The following SGCZ variants were observed in gnomAD, a reference collection of about 807,000 sequenced individuals.
SGCZ encodes the protein zeta-sarcoglycan.
SGCZ carries 40 observed loss-of-function variants against 41.3 expected under a neutral mutation model. The observed-to-expected ratio is 0.97, with a 90% confidence interval of 0.75 to 1.26. The LOEUF is 1.26. Ranked by LOEUF, SGCZ falls within the 50% of genes most tolerant of loss-of-function variation. The pLI is 0.00. For missense variants in SGCZ, 552 were observed against 369.8 expected (o/e 1.49, Z -4.04); for synonymous variants, 206 against 137.5 (o/e 1.50, Z -3.49).
intron 1 of SGCZ, among the ~76,000 whole-genome samples, chr8:15,028,520 G>A (rs1803539077): frequency 6.6e-6 from 1 of 151,832 alleles, no homozygotes; most frequent in South Asian, 2.1e-4. Context: ...TTTCTAAGTT[G>A]AAGTCAGTTT....
intron 2 of SGCZ, among the ~76,000 whole-genome samples, chr8:14,488,764 C>A (rs150514931): frequency 1.7e-3 from 226 of 134,844 alleles, no homozygotes; most frequent in African/African-American, 5.8e-3. Context: ...TTTGTTTCAG[C>A]AGAGTTGAAT....
At chr8:14,470,758 A>G (rs1801191695) in intron 2 of SGCZ, among the ~76,000 whole-genome samples, 1 of 152,160 alleles carries the variant, frequency 6.6e-6, no homozygotes, top group African/African-American at 2.4e-5. Flanking sequence ...GTATGAAATC[A>G]CTCTCTTGGA....
intron 7 of SGCZ, among the ~76,000 whole-genome samples, chr8:14,093,229 T>G (rs988780395): frequency 6.6e-6 from 1 of 152,064 alleles, no homozygotes; most frequent in Non-Finnish European, 1.5e-5. Flanking sequence ...TGTTTTGTAC[T>G]AGGACTCCTG....
chr8:14,771,181 G>T (rs1400658351), intron 1 of SGCZ, among the ~76,000 whole-genome samples: 3 of 152,124 alleles, frequency 2.0e-5, no homozygotes, highest in South Asian at 2.1e-4. Context: ...AAGGCAAAGG[G>T]TCAGTGCAAT....
At chr8:14,943,122 T>C (rs1800331364) in intron 1 of SGCZ, among the ~76,000 whole-genome samples, 1 of 152,148 alleles carries the variant, frequency 6.6e-6, no homozygotes. Flanking sequence ...TTCACAACAT[T>C]ACATTCAAAA....
chr8:14,455,779 T>C (rs1281438572), intron 2 of SGCZ, among the ~76,000 whole-genome samples: 1 of 152,192 alleles, frequency 6.6e-6, no homozygotes, highest in Non-Finnish European at 1.5e-5. Flanking sequence ...TAAACAAGAA[T>C]GAGGACAGGC....
chr8:14,883,907 C>A (rs920459369), intron 1 of SGCZ, among the ~76,000 whole-genome samples: 2 of 149,472 alleles, frequency 1.3e-5, no homozygotes, highest in Non-Finnish European at 3.0e-5. Flanking sequence ...TTTCTGTTTA[C>A]TGAAGTAAGA....
chr8:14,584,484 T>C (rs1456167854), intron 1 of SGCZ, among the ~76,000 whole-genome samples: 1 of 152,138 alleles, frequency 6.6e-6, no homozygotes, highest in African/African-American at 2.4e-5. Flanking sequence ...AGTGACTACA[T>C]ATATGCCATT....
At chr8:14,877,431 T>C (rs1315285036) in intron 1 of SGCZ, among the ~76,000 whole-genome samples, 1 of 152,204 alleles carries the variant, frequency 6.6e-6, no homozygotes, top group Non-Finnish European at 1.5e-5. Context: ...TAAGCACTTA[T>C]TTATTTTATT....
At position 15,226,113 on chromosome 8, in the gene SGCZ, T is replaced by C. The variant is rs931962675; in HGVS notation, c.39+11472A>G. Among the ~76,000 whole-genome samples, 24 of 152,198 alleles carry C rather than the reference T, an allele frequency of 1.6e-4. 1 individual carries two copies. Among genetic ancestry groups the C allele is most frequent in the African/African-American group, 4.1e-4 (17 of 41,444 alleles). On this transcript the variant is annotated intron_variant, in intron 1 of 7. Coordinates refer to ENST00000382080, the MANE Select transcript of SGCZ (RefSeq NM_139167.4). ...ACAGGTAACTAACAAACTGAGTACA[T>C]TGAGTACTAATATGCAGCTCAGAAA...
chr8:14,198,136 G>A (rs1331530900), intron 4 of SGCZ, among the ~76,000 whole-genome samples: 1 of 152,202 alleles, frequency 6.6e-6, no homozygotes, highest in Non-Finnish European at 1.5e-5. Flanking sequence ...ACTGCATGCT[G>A]TTCTGAGTAG....
intron 1 of SGCZ, among the ~76,000 whole-genome samples, chr8:15,137,142 G>A (rs957283341): frequency 1.3e-5 from 2 of 152,188 alleles, no homozygotes; most frequent in South Asian, 4.1e-4. Context: ...AACTTGTTAG[G>A]AAGTAGAGCA....
chr8:14,414,641 T>C (rs993807850), intron 2 of SGCZ, among the ~76,000 whole-genome samples: 5 of 151,978 alleles, frequency 3.3e-5, no homozygotes, highest in African/African-American at 1.2e-4. Context: ...ACCAATGCTA[T>C]AGCCACAAGC....
At chr8:14,566,321 A>G (rs1253416620) in intron 1 of SGCZ, among the ~76,000 whole-genome samples, 1 of 152,252 alleles carries the variant, frequency 6.6e-6, no homozygotes, top group African/African-American at 2.4e-5. Flanking sequence ...GGGAAGGAGT[A>G]CAGCATTCAA....
chr8:14,421,335 G>A (rs760532859), intron 2 of SGCZ, among the ~76,000 whole-genome samples: 1 of 151,912 alleles, frequency 6.6e-6, no homozygotes, highest in African/African-American at 2.4e-5. Flanking sequence ...GAGGCAATTT[G>A]TAACATTTTC....
chr8:14,950,637 A>G (rs373886462), intron 1 of SGCZ, among the ~76,000 whole-genome samples: 1 of 152,162 alleles, frequency 6.6e-6, no homozygotes, highest in African/African-American at 2.4e-5. Context: ...GTTGGCAAAA[A>G]AAATCATAGT....
chr8:14,850,257 T>C (rs1803267245), intron 1 of SGCZ, among the ~76,000 whole-genome samples: 1 of 152,172 alleles, frequency 6.6e-6, no homozygotes, highest in Non-Finnish European at 1.5e-5. Context: ...ACAGTTAAAA[T>C]ATGCATGCAC....
At chr8:14,895,622 T>G (rs1805168656) in intron 1 of SGCZ, among the ~76,000 whole-genome samples, 1 of 152,128 alleles carries the variant, frequency 6.6e-6, no homozygotes, top group African/African-American at 2.4e-5. Context: ...CAGAACAAAA[T>G]ACAAAAATAA....
At chr8:14,241,253 T>C (rs9657202) in intron 3 of SGCZ, among the ~76,000 whole-genome samples, 43,076 of 151,600 alleles carry the variant, frequency 0.28, 6,595 homozygotes, top group Non-Finnish European at 0.35. Context: ...TAAATAGACA[T>C]AGTAGTACTC....
Sources: gnomAD v4.1 joint callset for allele counts (sites outside exome capture counted in the v4.1 genomes callset) on GRCh38, gnomAD v4.1.1 for gene constraint, MANE v1.5 for transcripts, NCBI Gene and HGNC (gene_info 2026-07-23, HGNC 2026-07-21) for gene names.